The following PIK3C2A variants were observed in gnomAD, a reference collection of about 807,000 sequenced individuals.
PIK3C2A encodes the protein phosphatidylinositol 4-phosphate 3-kinase C2 domain-containing subunit alpha.
In PIK3C2A, 97 loss-of-function variants were observed where a neutral mutation model predicts 204.5. That is an observed-to-expected ratio of 0.47 (90% confidence interval 0.40 to 0.56). The LOEUF (loss-of-function observed/expected upper bound fraction) is 0.56. PIK3C2A is among the 20% of genes least tolerant of loss of function. The pLI is 0.00. For synonymous variants in PIK3C2A, 653 were observed against 664.4 expected, an observed-to-expected ratio of 0.98 and a Z score of 0.26; for missense variants, 1,735 against 1,969.2, an observed-to-expected ratio of 0.88 and a Z score of 2.25.
chr11:17,167,004 T>C (rs1850979518), intron 2 of PIK3C2A, among the ~76,000 whole-genome samples: 1 of 152,004 alleles, frequency 6.6e-6, no homozygotes, highest in Non-Finnish European at 1.5e-5. Context: ...AGAGTCTTGC[T>C]CTGTCGCCCA....
chr11:17,114,036 C>T (rs974284734), intron 20 of PIK3C2A, among the ~76,000 whole-genome samples: 13 of 151,188 alleles, frequency 8.6e-5, no homozygotes, highest in Non-Finnish European at 1.3e-4. Context: ...GCCAAGATCG[C>T]ACCACTGCAC....
chr11:17,207,193 C>A (rs1184205144), intron 1 of PIK3C2A, among the ~76,000 whole-genome samples: 1 of 152,192 alleles, frequency 6.6e-6, no homozygotes, highest in African/African-American at 2.4e-5. Context: ...TATGATTCCT[C>A]CGTCACTCAG....
intron 1 of PIK3C2A, among the ~76,000 whole-genome samples, chr11:17,207,487 G>C (rs1156723932): frequency 6.6e-6 from 1 of 152,222 alleles, no homozygotes; most frequent in Non-Finnish European, 1.5e-5. Flanking sequence ...CTCCAGCCCG[G>C]TCCCGCGGGA....
intron 23 of PIK3C2A, among the ~76,000 whole-genome samples, chr11:17,104,724 CAAA>C (rs5789973): frequency 2.3e-5 from 2 of 87,412 alleles, no homozygotes. Context: ...GACTCCATCT[CAAA>C]AAAAAAAAAA....
intron 1 of PIK3C2A, among the ~76,000 whole-genome samples, chr11:17,182,047 G>A (rs546316514): frequency 4.0e-5 from 6 of 150,994 alleles, no homozygotes; most frequent in East Asian, 3.9e-4. Flanking sequence ...AGCCAAGACC[G>A]TGCCATTGTA....
In PIK3C2A at chr11:17,178,711, GAA is replaced by G. The variant is rs1178916501; in HGVS notation, c.-65-8907_-65-8906del. On this transcript the variant is annotated intron_variant, in intron 1 of 32. Coordinates refer to ENST00000691414, the MANE Select transcript of PIK3C2A (RefSeq NM_002645.4). ...TAGCCACCACACCTGGTTGATTTTTGAATTTTTTTTTTTTTTTTTTTTTTTTT... is the reference window on the plus strand; with the variant it reads ...TAGCCACCACACCTGGTTGATTTTTGTTTTTTTTTTTTTTTTTTTTTTTTT... Among the ~76,000 whole-genome samples, 27 of 89,262 alleles carry G rather than the reference GAA, an allele frequency of 3.0e-4. 5 individuals carry two copies. Among genetic ancestry groups the G allele is most frequent in the African/African-American group, 8.0e-4 (18 of 22,556 alleles). 58.6% of individuals were successfully genotyped at this position (89,262 alleles called of 152,430 possible). A position where few individuals can be genotyped will look rare whatever the true frequency, so the allele number is the denominator to read the frequency against.
chr11:17,201,872 G>C (rs1019880122), intron 1 of PIK3C2A, among the ~76,000 whole-genome samples: 4 of 152,088 alleles, frequency 2.6e-5, no homozygotes, highest in African/African-American at 9.7e-5. Context: ...CTTCCCAAAG[G>C]CAGGAAGTAA....
At chr11:17,124,108 A>C (rs1292746330) in intron 13 of PIK3C2A, among the ~76,000 whole-genome samples, 1 of 151,956 alleles carries the variant, frequency 6.6e-6, no homozygotes, top group Non-Finnish European at 1.5e-5. Context: ...ATCATAGCTC[A>C]CTGAAGCCTT....
intron 22 of PIK3C2A, among the ~76,000 whole-genome samples, chr11:17,109,268 T>C (rs1008854606): frequency 6.6e-6 from 1 of 152,222 alleles, no homozygotes; most frequent in Non-Finnish European, 1.5e-5. Flanking sequence ...GCTTTCAGCT[T>C]ATTAAAGCAT....
chr11:17,119,504 T>C (rs148110775), intron 16 of PIK3C2A, among the ~76,000 whole-genome samples, 191 bp from the exon 17 acceptor site: 163 of 152,350 alleles, frequency 1.1e-3, no homozygotes, highest in African/African-American at 3.7e-3. Context: ...TTAGGGATTA[T>C]TTAGGAATCT....
chr11:17,135,903 C>T (rs1849858258), intron 9 of PIK3C2A, among the ~76,000 whole-genome samples: 1 of 152,122 alleles, frequency 6.6e-6, no homozygotes, highest in African/African-American at 2.4e-5. Context: ...TGCACCCCTT[C>T]TTTTATCCTT....
intron 1 of PIK3C2A, among the ~76,000 whole-genome samples, chr11:17,173,555 A>G (rs1057101524): frequency 6.6e-6 from 1 of 152,228 alleles, no homozygotes; most frequent in African/African-American, 2.4e-5. Flanking sequence ...AACTAAGCCC[A>G]AAGCCAACCT....
At chr11:17,150,310 A>G (rs1212105098) in intron 4 of PIK3C2A, among the ~76,000 whole-genome samples, 188 bp downstream of exon 4, 2 of 152,214 alleles carry the variant, frequency 1.3e-5, no homozygotes, top group African/African-American at 2.4e-5. Flanking sequence ...GTTACTTAGC[A>G]CTTTTCAGAT....
intron 3 of PIK3C2A, among the ~76,000 whole-genome samples, chr11:17,154,399 G>A (rs1850518533): frequency 6.6e-6 from 1 of 151,998 alleles, no homozygotes; most frequent in African/African-American, 2.4e-5. Context: ...ATCACCAATG[G>A]TCCAGAAAAT....
intron 1 of PIK3C2A, among the ~76,000 whole-genome samples, chr11:17,185,161 T>C (rs991280574): frequency 3.3e-5 from 5 of 152,194 alleles, no homozygotes; most frequent in African/African-American, 1.2e-4. Flanking sequence ...AAATCTTTTA[T>C]ACCATATTTT....
Position 17,102,654 on chromosome 11 carries a change from C to T in PIK3C2A, c.3851+8G>A. 1.2e-6 allele frequency: 2 copies of T among 1,603,144 alleles called. No homozygotes were observed. Among genetic ancestry groups the T allele is most frequent in the South Asian group, 2.3e-5 (2 of 88,812 alleles). On this transcript the variant is annotated splice_region_variant and intron_variant, in intron 24 of 32. Transcript: ENST00000691414. ...CTCATTTCTTTGGCAACAGCAATAACATTATACCTTTTGAAGCTGCCAAAC... is the reference window on the plus strand; with the variant it reads ...CTCATTTCTTTGGCAACAGCAATAATATTATACCTTTTGAAGCTGCCAAAC...
Position 17,104,724 on chromosome 11 carries a change from C to CAA in PIK3C2A, c.3681+443_3681+444dup, listed in dbSNP as rs5789973. 8.4e-3 allele frequency among the ~76,000 whole-genome samples: 725 copies of CAA among 86,732 alleles called. 7 individuals carry two copies. Among genetic ancestry groups the CAA allele is most frequent in the Admixed American group, 0.01 (72 of 6,954 alleles). The allele number at this position is 86,732 out of a possible 152,430, so 56.9% of individuals were successfully genotyped here. A position where few individuals can be genotyped will look rare whatever the true frequency, so the allele number is the denominator to read the frequency against. ...TGGGTGACAGAGTGAGACTCCATCT[C>CAA]AAAAAAAAAAAAAAAAAAAAAATTT... On this transcript the variant is annotated intron_variant, in intron 23 of 32. Transcript: ENST00000691414.
intron 1 of PIK3C2A, among the ~76,000 whole-genome samples, chr11:17,178,253 C>G (rs1263970322): frequency 2.6e-5 from 4 of 151,832 alleles, no homozygotes; most frequent in African/African-American, 9.7e-5. Flanking sequence ...TTTTAAAAAA[C>G]ACAATGTCCT....
intron 1 of PIK3C2A, among the ~76,000 whole-genome samples, chr11:17,199,573 A>G (rs1230284111): frequency 2.0e-5 from 3 of 152,270 alleles, no homozygotes; most frequent in Non-Finnish European, 4.4e-5. Flanking sequence ...GCTAAGTGAC[A>G]TAAGTCAGAC....
Sources: gnomAD v4.1 joint callset for allele counts (sites outside exome capture counted in the v4.1 genomes callset) on GRCh38, gnomAD v4.1.1 for gene constraint, MANE v1.5 for transcripts, NCBI Gene and HGNC (gene_info 2026-07-23, HGNC 2026-07-21) for gene names.